The following BRINP1 variants were observed in gnomAD, a reference collection of about 807,000 sequenced individuals.
The protein encoded by BRINP1 is BMP/retinoic acid-inducible neural-specific protein 1.
Under a neutral mutation model 72.9 loss-of-function variants are expected in BRINP1, and 17 were observed. That is an observed-to-expected ratio of 0.23 (90% confidence interval 0.16 to 0.35). The LOEUF (loss-of-function observed/expected upper bound fraction) is 0.35, where lower values mean the gene tolerates loss of function less well. Ranked by LOEUF, BRINP1 falls within the 10% of genes least tolerant of loss-of-function variation. BRINP1 has a pLI of 1.00. For missense variants in BRINP1, 850 were observed against 1,001.6 expected (o/e 0.85, Z 2.04); for synonymous variants, 418 against 378.5 (o/e 1.10, Z -1.21).
At chr9:119,178,164 G>A (rs1252722797) in intron 7 of BRINP1, among the ~76,000 whole-genome samples, 2 of 152,136 alleles carry the variant, frequency 1.3e-5, no homozygotes, top group South Asian at 2.1e-4. Context: ...ATGCAGCCAA[G>A]GCATCATCTG....
At chr9:119,230,404 G>A (rs1448501062) in intron 5 of BRINP1, among the ~76,000 whole-genome samples, 1 of 152,146 alleles carries the variant, frequency 6.6e-6, no homozygotes, top group Non-Finnish European at 1.5e-5. Flanking sequence ...CAACGGATCA[G>A]CAGGAGTGAG....
At chr9:119,361,380 T>G (rs1271112611) in intron 1 of BRINP1, among the ~76,000 whole-genome samples, 2 of 152,202 alleles carry the variant, frequency 1.3e-5, no homozygotes, top group African/African-American at 4.8e-5. Flanking sequence ...ATGAGGACAG[T>G]GGGTTTCATG....
intron 5 of BRINP1, among the ~76,000 whole-genome samples, chr9:119,224,736 C>T (rs1030841445): frequency 1.3e-5 from 2 of 151,996 alleles, no homozygotes; most frequent in African/African-American, 4.8e-5. Context: ...GAGCAAAAGC[C>T]ATGCCAGACA....
At chr9:119,249,710 A>C (rs1005674160) in intron 2 of BRINP1, among the ~76,000 whole-genome samples, 6 of 151,904 alleles carry the variant, frequency 3.9e-5, no homozygotes, top group Non-Finnish European at 5.9e-5. Context: ...CAAGAATAGA[A>C]TCTTCTTAGG....
In BRINP1 at chr9:119,352,825, T is replaced by A. The variant is rs572611522; in HGVS notation, c.-51+16231A>T. ...ATAAATTATGAAATCCTGCAACTTATGATTCAAAGATGCCAACAGTATGAC... is the reference window on the plus strand; with the variant it reads ...ATAAATTATGAAATCCTGCAACTTAAGATTCAAAGATGCCAACAGTATGAC... On this transcript the variant is annotated intron_variant, in intron 1 of 7. Transcript: ENST00000265922. Among the ~76,000 whole-genome samples the A allele has an allele frequency of 8.5e-5, 13 of 152,384 alleles. No individual in the cohort carries two copies. In the South Asian group the frequency reaches 2.7e-3, roughly 32 times the overall value.
At chr9:119,297,856 T>C (rs1489624046) in intron 2 of BRINP1, among the ~76,000 whole-genome samples, 2 of 152,150 alleles carry the variant, frequency 1.3e-5, no homozygotes, top group African/African-American at 4.8e-5. Context: ...AAATGCAGGT[T>C]GAGCTGAAAC....
At chr9:119,243,700 G>C (rs1181112157) in intron 3 of BRINP1, among the ~76,000 whole-genome samples, 1 of 152,100 alleles carries the variant, frequency 6.6e-6, no homozygotes, top group Admixed American at 6.5e-5. Flanking sequence ...CAATTGATTT[G>C]TCCTTTTTTT....
At chr9:119,250,080 GAAAGGAAGGAAGGAAGGAAGA>G (rs1830368086) in intron 2 of BRINP1, among the ~76,000 whole-genome samples, 1 of 87,002 alleles carries the variant, frequency 1.1e-5, no homozygotes, top group Non-Finnish European at 2.6e-5. Context: ...AAGGAAGGAA[GAAAGGAAGGAAGGAAGGAAGA>G]AAAGGAAGGA....
rs878936922 is a variant in BRINP1 at position 119,253,109 on chromosome 9, C to A, written c.219-3959G>T. ...AGAACTAACTACCTGCTCAGCACCA[C>A]GGACAGAGTTTTTTATCCCAAGGAA... On this transcript the variant is annotated intron_variant, in intron 2 of 7. Transcript: ENST00000265922. Among the ~76,000 whole-genome samples the A allele has an allele frequency of 2.6e-5, 4 of 152,224 alleles. No individual in the cohort carries two copies. The East Asian group carries it at 7.7e-4, about 29-fold the overall frequency.
In BRINP1 at chr9:119,197,839, T is replaced by G. The variant is rs554445893; in HGVS notation, c.1145+10880A>C. 2.6e-5 allele frequency among the ~76,000 whole-genome samples: 4 copies of G among 152,362 alleles called. No homozygotes were observed. The South Asian group carries it at 8.3e-4, about 32-fold the overall frequency. ...TATAGCTAAAAAGTTATGAAATAAC[T>G]AAATTAAAACTAAAATAAATCAATG... On this transcript the variant is annotated intron_variant, in intron 7 of 7. Coordinates refer to ENST00000265922, the MANE Select transcript of BRINP1 (RefSeq NM_014618.3).
intron 5 of BRINP1, among the ~76,000 whole-genome samples, chr9:119,226,072 C>T (rs10114219): frequency 0.81 from 123,417 of 151,872 alleles, 50,267 homozygotes; most frequent in Middle Eastern, 0.92. Context: ...TAGTGGCAGA[C>T]GTGTACAATT....
At chr9:119,342,941 A>C (rs1425285481) in intron 1 of BRINP1, among the ~76,000 whole-genome samples, 1 of 152,220 alleles carries the variant, frequency 6.6e-6, no homozygotes, top group Non-Finnish European at 1.5e-5. Flanking sequence ...CAACCTTGGC[A>C]AGTTGCTTTA....
chr9:119,224,470 A>C (rs945656894), intron 5 of BRINP1, among the ~76,000 whole-genome samples: 2 of 152,072 alleles, frequency 1.3e-5, no homozygotes, highest in Non-Finnish European at 2.9e-5. Context: ...CAAGACACTG[A>C]GAAGTCCTGC....
In BRINP1 at chr9:119,208,806, C is replaced by T; in HGVS notation, c.1058G>A (p.Arg353Lys). 1 of 1,614,204 alleles carries T rather than the reference C, an allele frequency of 6.2e-7. No homozygotes were observed. Among genetic ancestry groups the T allele is most frequent in the South Asian group, 1.1e-5 (1 of 91,086 alleles). The change falls in exon 7 of 8, where the codon AGA becomes AAA. Residue 353 changes from arginine to lysine, a missense_variant. Coordinates refer to ENST00000265922, the MANE Select transcript of BRINP1 (RefSeq NM_014618.3). ...KLLQSATEAQ[R>K]QKIQRTARKL... ...GCGGGCAGTGCGTTGGATCTTTTGT[C>T]TCTGTGCCTCCGTGGCACTCTGCAG... is the stretch of plus-strand genomic sequence containing the variant.
intron 7 of BRINP1, among the ~76,000 whole-genome samples, chr9:119,172,336 G>T (rs1002696182): frequency 2.0e-5 from 3 of 151,938 alleles, no homozygotes; most frequent in Admixed American, 2.0e-4. Flanking sequence ...ACTACCATCA[G>T]AGAATACTAC....
chr9:119,217,999 G>C lies in BRINP1; in HGVS notation c.686-3844C>G, dbSNP rs777639309. Among the ~76,000 whole-genome samples the C allele has an allele frequency of 8.0e-4, 121 of 151,852 alleles. 1 individual carries two copies. Among genetic ancestry groups the C allele is most frequent in the Non-Finnish European group, 6.6e-4 (45 of 67,960 alleles). On this transcript the variant is annotated intron_variant, in intron 5 of 7. Coordinates refer to ENST00000265922, the MANE Select transcript of BRINP1 (RefSeq NM_014618.3). ...GACCCTCCCAGACCCAGGTTAAAAG[G>C]CATCTTCAATTTTTTTCATAGGATT...
intron 1 of BRINP1, among the ~76,000 whole-genome samples, chr9:119,330,935 G>A (rs1254223724): frequency 6.6e-6 from 1 of 152,156 alleles, no homozygotes; most frequent in Non-Finnish European, 1.5e-5. Context: ...GCTGAGGCAG[G>A]AGAATTGCTT....
chr9:119,179,323 A>G (rs185101961), intron 7 of BRINP1, among the ~76,000 whole-genome samples: 388 of 152,328 alleles, frequency 2.5e-3, no homozygotes, highest in African/African-American at 8.8e-3. Context: ...TGGGATTTCA[A>G]TTCATTCTGA....
At chr9:119,342,489 C>T (rs958086434) in intron 1 of BRINP1, among the ~76,000 whole-genome samples, 1 of 152,134 alleles carries the variant, frequency 6.6e-6, no homozygotes, top group African/African-American at 2.4e-5. Context: ...AAATTTTGAG[C>T]CAGATTAGCC....
Sources: allele counts gnomAD v4.1 joint callset (sites outside exome capture counted in the v4.1 genomes callset), GRCh38; gene constraint gnomAD v4.1.1; transcripts MANE v1.5; gene names NCBI Gene and HGNC (gene_info 2026-07-23, HGNC 2026-07-21).